The following BMPR1A variants were observed in gnomAD, a reference collection of about 807,000 sequenced individuals.
BMPR1A encodes bone morphogenetic protein receptor type-1A.
A neutral mutation model predicts 66.0 loss-of-function variants in BMPR1A; 7 were observed. That is an observed-to-expected ratio of 0.11 (90% confidence interval 0.06 to 0.20). The LOEUF is 0.20. Ranked by LOEUF, BMPR1A falls within the 10% of genes least tolerant of loss-of-function variation. The pLI is 1.00. For synonymous variants in BMPR1A, 200 were observed against 229.7 expected (o/e 0.87, Z 1.17); for missense variants, 408 against 669.1 (o/e 0.61, Z 4.31).
chr10:86,794,505 A>T (rs1021881106), intron 1 of BMPR1A, among the ~76,000 whole-genome samples: 1 of 152,206 alleles, frequency 6.6e-6, no homozygotes, highest in Non-Finnish European at 1.5e-5. Flanking sequence ...CACCTAACTC[A>T]CAAGGTTGTT....
chr10:86,872,420 A>G (rs1337069320), intron 2 of BMPR1A, among the ~76,000 whole-genome samples: 1 of 152,174 alleles, frequency 6.6e-6, no homozygotes, highest in Admixed American at 6.5e-5. Context: ...CTTGATTTTA[A>G]TTATGACTCT....
chr10:86,890,813 A>G (rs1843137820), intron 4 of BMPR1A, among the ~76,000 whole-genome samples: 1 of 152,048 alleles, frequency 6.6e-6, no homozygotes, highest in African/African-American at 2.4e-5. Flanking sequence ...CTTTTTTCTT[A>G]CCTGTGAATT....
intron 1 of BMPR1A, among the ~76,000 whole-genome samples, chr10:86,773,597 GA>G (rs71019429): frequency 0.25 from 25,361 of 100,584 alleles, 2,683 homozygotes; most frequent in East Asian, 0.54. Context: ...GTCTCAGAAA[GA>G]AAAAAAAAAA....
At chr10:86,830,529 G>T (rs577098480) in intron 1 of BMPR1A, among the ~76,000 whole-genome samples, 3 of 152,150 alleles carry the variant, frequency 2.0e-5, no homozygotes, top group African/African-American at 7.2e-5. Flanking sequence ...TATTTTAGCT[G>T]TGCCAGTAGG....
intron 1 of BMPR1A, among the ~76,000 whole-genome samples, chr10:86,829,969 G>A (rs1360360858): frequency 6.6e-6 from 1 of 152,186 alleles, no homozygotes; most frequent in Non-Finnish European, 1.5e-5. Context: ...TGGGAAGGAA[G>A]ACATTATTCA....
At chr10:86,868,520 A>G (rs547303754) in intron 2 of BMPR1A, among the ~76,000 whole-genome samples, 13 of 152,378 alleles carry the variant, frequency 8.5e-5, no homozygotes, top group African/African-American at 2.9e-4. Flanking sequence ...CCTTGGAGCC[A>G]GGAAGTCTGC....
chr10:86,756,336 G>A (rs561995328), upstream of BMPR1A: 79 of 152,196 alleles, frequency 5.2e-4, no homozygotes, highest in South Asian at 6.4e-3. Context: ...GGCCCGCGCG[G>A]AGGAGCAGCC....
intron 1 of BMPR1A, among the ~76,000 whole-genome samples, chr10:86,779,813 G>C (rs1841407615): frequency 6.6e-6 from 1 of 152,164 alleles, no homozygotes; most frequent in Non-Finnish European, 1.5e-5. Flanking sequence ...TGTTGCCCAG[G>C]CTTGTCTCAA....
chr10:86,811,197 C>A (rs1841965242), intron 1 of BMPR1A, among the ~76,000 whole-genome samples: 1 of 152,046 alleles, frequency 6.6e-6, no homozygotes, highest in Admixed American at 6.6e-5. Flanking sequence ...CACCACCACA[C>A]CCTGCTAATT....
chr10:86,895,798 C>T (rs1454393284), intron 5 of BMPR1A, among the ~76,000 whole-genome samples: 3 of 152,094 alleles, frequency 2.0e-5, no homozygotes, highest in Non-Finnish European at 2.9e-5. Flanking sequence ...GAGGCCGAGG[C>T]GGGCAGATCG....
chr10:86,808,500 A>G (rs962126946), intron 1 of BMPR1A, among the ~76,000 whole-genome samples: 2 of 152,056 alleles, frequency 1.3e-5, no homozygotes, highest in African/African-American at 4.8e-5. Context: ...GGTCCATTCA[A>G]CTTATTTCAT....
At chr10:86,759,143 G>C (rs1564674930) in intron 1 of BMPR1A, among the ~76,000 whole-genome samples, 1 of 152,164 alleles carries the variant, frequency 6.6e-6, no homozygotes, top group Non-Finnish European at 1.5e-5. Flanking sequence ...TGCTTTGTTG[G>C]AACCCAGGCA....
chr10:86,845,901 G>A (rs577158075), intron 2 of BMPR1A, among the ~76,000 whole-genome samples: 1 of 152,166 alleles, frequency 6.6e-6, no homozygotes, highest in African/African-American at 2.4e-5. Flanking sequence ...GGAGGCTGAG[G>A]CAGGAGAATG....
chr10:86,783,082 C>T (rs1046092413), intron 1 of BMPR1A, among the ~76,000 whole-genome samples: 34 of 152,266 alleles, frequency 2.2e-4, no homozygotes, highest in Admixed American at 1.0e-3. Context: ...CATTCTGTTG[C>T]ATGTGGACAT....
Position 86,892,093 on chromosome 10 carries a change from ATGTTT to A in BMPR1A, c.231-17_231-13del, listed in dbSNP as rs772231659. ...TCGTTAGTACTTTCTATGTGAATTT[ATGTTT>A]TGTTTTGTTTTGTTTTTTTCTGTTT... On this transcript the variant is annotated intron_variant, in intron 4 of 12. Transcript: ENST00000372037. The A allele has an allele frequency of 6.5e-6, 10 of 1,536,466 alleles. No homozygotes were observed. The highest frequency in any genetic ancestry group is 3.4e-5 in the Admixed American group (2 of 59,532).
chr10:86,832,216 C>G (rs1842277563), intron 1 of BMPR1A, among the ~76,000 whole-genome samples: 1 of 151,992 alleles, frequency 6.6e-6, no homozygotes, highest in Non-Finnish European at 1.5e-5. Flanking sequence ...ACCTGTAATC[C>G]CAGCACTCTG....
intron 3 of BMPR1A, among the ~76,000 whole-genome samples, chr10:86,883,774 C>G (rs1216752483): frequency 6.7e-6 from 1 of 148,992 alleles, no homozygotes; most frequent in African/African-American, 2.5e-5. Context: ...CATTTCAAAA[C>G]AAAAAAAACA....
intron 1 of BMPR1A, among the ~76,000 whole-genome samples, chr10:86,770,284 G>A (rs545835367): frequency 6.6e-6 from 1 of 152,266 alleles, no homozygotes; most frequent in Non-Finnish European, 1.5e-5. Flanking sequence ...GTGAGGCCCT[G>A]TGTCATATTC....
chr10:86,929,480 C>T (rs1328850134), downstream of BMPR1A: 1 of 152,230 alleles, frequency 6.6e-6, no homozygotes, highest in East Asian at 1.9e-4. Flanking sequence ...TTCATCCCAG[C>T]AGTGTGCCTT....
Sources: allele counts gnomAD v4.1 joint callset (sites outside exome capture counted in the v4.1 genomes callset), GRCh38; gene constraint gnomAD v4.1.1; transcripts MANE v1.5; gene names NCBI Gene and HGNC (gene_info 2026-07-23, HGNC 2026-07-21).